TAX1BP1: variants seen among roughly 807,000 people sequenced by gnomAD.
TAX1BP1 encodes Tax1 binding protein 1.
Under a neutral mutation model 97.7 loss-of-function variants are expected in TAX1BP1, and 62 were observed. The observed-to-expected ratio is 0.63, with a 90% CI of 0.52 to 0.78. TAX1BP1 has a LOEUF of 0.78. TAX1BP1 is among the 30% of genes least tolerant of loss of function. TAX1BP1 has a pLI of 0.00. For synonymous variants in TAX1BP1, 340 were observed against 304.2 expected (o/e 1.12, Z -1.23); for missense variants, 867 against 916.1 (o/e 0.95, Z 0.69).
chr7:27,824,194 C>G (rs532118272), intron 15 of TAX1BP1, among the ~76,000 whole-genome samples: 1 of 152,002 alleles, frequency 6.6e-6, no homozygotes, highest in Non-Finnish European at 1.5e-5. Context: ...TGAGGAACTA[C>G]CATGTATGAT....
Position 27,767,828 on chromosome 7 carries a change from A to AT in TAX1BP1, c.453+1809dup, listed in dbSNP as rs1788697262. 3.3e-5 allele frequency among the ~76,000 whole-genome samples: 5 copies of AT among 152,196 alleles called. No individual in the cohort carries two copies. In the South Asian group the frequency reaches 1.0e-3, roughly 32 times the overall value. On this transcript the variant is annotated intron_variant, in intron 4 of 16. Coordinates refer to ENST00000396319, the MANE Select transcript of TAX1BP1 (RefSeq NM_006024.7). ...AGGGTACTTTATAAAGAATGTGAAA[A>AT]TTGCTGTTTCTTAAGTAAATATTTC...
chr7:27,774,874 G>A (rs1352395406), intron 5 of TAX1BP1, among the ~76,000 whole-genome samples: 3 of 152,026 alleles, frequency 2.0e-5, no homozygotes, highest in African/African-American at 7.2e-5. Flanking sequence ...GAAAGATTTT[G>A]TATTACTAAA....
At chr7:27,823,373 T>G (rs753539449) in intron 15 of TAX1BP1, among the ~76,000 whole-genome samples, 70 of 152,238 alleles carry the variant, frequency 4.6e-4, no homozygotes, top group Non-Finnish European at 9.4e-4. Flanking sequence ...TGAACTAAAG[T>G]AATAATTATC....
intron 1 of TAX1BP1, among the ~76,000 whole-genome samples, chr7:27,744,273 C>T (rs926949194): frequency 2.0e-5 from 3 of 152,076 alleles, no homozygotes; most frequent in Non-Finnish European, 4.4e-5. Flanking sequence ...CTACAGGCGC[C>T]TGCCACCTCG....
At chr7:27,818,374 G>T (rs1189282000) in intron 15 of TAX1BP1, among the ~76,000 whole-genome samples, 1 of 151,836 alleles carries the variant, frequency 6.6e-6, no homozygotes, top group Non-Finnish European at 1.5e-5. Flanking sequence ...TGTATATTCA[G>T]AATTAAAAAA....
intron 13 of TAX1BP1, among the ~76,000 whole-genome samples, chr7:27,806,089 T>G (rs1008683599): frequency 2.1e-4 from 16 of 74,990 alleles, no homozygotes; most frequent in Non-Finnish European, 3.8e-4. Flanking sequence ...AGAGTTTCAG[T>G]TTTTTTTTTT....
chr7:27,768,268 A>C (rs1788716722), intron 4 of TAX1BP1, among the ~76,000 whole-genome samples: 1 of 152,012 alleles, frequency 6.6e-6, no homozygotes, highest in African/African-American at 2.4e-5. Context: ...AGAGATAAAC[A>C]TGCAAGATAT....
At position 27,765,983 on chromosome 7, in the gene TAX1BP1, G is replaced by A; in HGVS notation, c.415G>A (p.Asp139Asn). Reference sequence around the variant, plus strand: ...TACTATGGAAGATGAAGGAAATTCTGACATGTTAGTGGTGACCACAAAAGC... The same window carrying A: ...TACTATGGAAGATGAAGGAAATTCTAACATGTTAGTGGTGACCACAAAAGC... ...LLTMEDEGNS[D>N]MLVVTTKAGL... The change falls in exon 4 of 17, where the codon GAC (aspartate) becomes AAC (asparagine). Residue 139 changes from aspartate (D) to asparagine (N), a missense_variant. Asp to Asn is a conservative substitution (Grantham distance 23). Coordinates refer to ENST00000396319, the MANE Select transcript of TAX1BP1 (RefSeq NM_006024.7). The A allele has an allele frequency of 6.2e-7, 1 of 1,614,100 alleles. No individual in the cohort carries two copies. The highest frequency in any genetic ancestry group is 8.5e-7 in the Non-Finnish European group (1 of 1,180,024).
Position 27,824,625 on chromosome 7 carries a change from A to G in TAX1BP1, c.2086-3113A>G, listed in dbSNP as rs145928050. 7.4e-4 allele frequency among the ~76,000 whole-genome samples: 112 copies of G among 152,092 alleles called. 1 individual carries two copies. Among genetic ancestry groups the G allele is most frequent in the African/African-American group, 2.7e-3 (111 of 41,486 alleles). ...GTATGCTTTTAATAAGAAAACAAGA[A>G]TGTTTTTGTACAGAGTATATCCTGA... On this transcript the variant is annotated intron_variant, in intron 15 of 16. Transcript: ENST00000396319.
chr7:27,778,859 T>TA (rs10710065), intron 5 of TAX1BP1, among the ~76,000 whole-genome samples: 2,482 of 148,016 alleles, frequency 0.017, 64 homozygotes, highest in African/African-American at 0.058. Context: ...AGACTGCGTT[T>TA]AAAAAAAAAA....
At chr7:27,745,773 A>C (rs1787793473) in intron 1 of TAX1BP1, among the ~76,000 whole-genome samples, 1 of 152,110 alleles carries the variant, frequency 6.6e-6, no homozygotes, top group African/African-American at 2.4e-5. Context: ...AGGGCTATTT[A>C]AAACAATAGA....
chr7:27,740,721 C>G (rs1254544258), intron 1 of TAX1BP1, among the ~76,000 whole-genome samples: 2 of 152,312 alleles, frequency 1.3e-5, no homozygotes, highest in Middle Eastern at 3.4e-3. Context: ...AGGTCGCGTC[C>G]GAGAAGGACG....
chr7:27,766,084 G>A, intron 4 of TAX1BP1, 63 bp downstream of exon 4: 2 of 1,502,036 alleles, frequency 1.3e-6, no homozygotes, highest in Non-Finnish European at 9.0e-7. Context: ...CATGTTGGTT[G>A]GCATTTTAAG....
chr7:27,741,067 A>G (rs1225946116), intron 1 of TAX1BP1, among the ~76,000 whole-genome samples: 1 of 152,206 alleles, frequency 6.6e-6, no homozygotes, highest in Non-Finnish European at 1.5e-5. Flanking sequence ...TTTGTTAGAA[A>G]ACACTGGCAT....
At chr7:27,760,648 C>G (rs1250144593) in intron 3 of TAX1BP1, among the ~76,000 whole-genome samples, 1 of 152,148 alleles carries the variant, frequency 6.6e-6, no homozygotes, top group African/African-American at 2.4e-5. Flanking sequence ...CCCGCCTCGG[C>G]TTCCCAAAGT....
intron 5 of TAX1BP1, among the ~76,000 whole-genome samples, chr7:27,781,323 ACAT>A (rs1789246132): frequency 6.6e-6 from 1 of 152,158 alleles, no homozygotes; most frequent in Non-Finnish European, 1.5e-5. Context: ...CTTTGTGCAA[ACAT>A]CATAGAGTGT....
chr7:27,795,417 G>A (rs928675178), intron 11 of TAX1BP1, among the ~76,000 whole-genome samples: 1 of 152,066 alleles, frequency 6.6e-6, no homozygotes. Context: ...AGGCTAGCCT[G>A]GGCAACATAG....
chr7:27,762,711 G>A (rs1410386528), intron 3 of TAX1BP1, among the ~76,000 whole-genome samples: 2 of 152,172 alleles, frequency 1.3e-5, no homozygotes, highest in African/African-American at 4.8e-5. Context: ...CATTTTGTGA[G>A]GCCAAGGAGG....
intron 9 of TAX1BP1, among the ~76,000 whole-genome samples, chr7:27,792,702 C>T (rs1190393664): frequency 6.6e-6 from 1 of 152,094 alleles, no homozygotes. Context: ...TTGCTCACAC[C>T]TATAACCTCA....
Sources: allele counts gnomAD v4.1 joint callset (sites outside exome capture counted in the v4.1 genomes callset), GRCh38; gene constraint gnomAD v4.1.1; transcripts MANE v1.5; gene names NCBI Gene and HGNC (gene_info 2026-07-23, HGNC 2026-07-21).